TGFB2: variants seen among roughly 807,000 people sequenced by gnomAD.
TGFB2 encodes the protein transforming growth factor beta-2 proprotein.
Under a neutral mutation model 42.7 loss-of-function variants are expected in TGFB2, and 13 were observed. That is an observed-to-expected ratio of 0.30 (90% CI 0.20 to 0.48). The LOEUF is 0.48. Among genes scored for constraint, TGFB2 ranks in the 20% least tolerant of loss-of-function variants. The pLI is 0.99. For missense variants in TGFB2, 390 were observed against 517.5 expected, an observed-to-expected ratio of 0.75 and a Z score of 2.39; for synonymous variants, 193 against 193.6, an observed-to-expected ratio of 1.00 and a Z score of 0.03.
intron 2 of TGFB2, among the ~76,000 whole-genome samples, chr1:218,412,150 G>T (rs957746739): frequency 1.3e-5 from 2 of 152,124 alleles, no homozygotes; most frequent in Non-Finnish European, 2.9e-5. Context: ...TCCACCTTCT[G>T]GTTACTCAGG....
intron 1 of TGFB2, among the ~76,000 whole-genome samples, chr1:218,357,622 A>G (rs1175060087): frequency 6.6e-6 from 1 of 152,210 alleles, no homozygotes; most frequent in Non-Finnish European, 1.5e-5. Flanking sequence ...ATGTTCCCTC[A>G]ACCACAATGA....
At chr1:218,413,049 C>A (rs1659151246) in intron 2 of TGFB2, among the ~76,000 whole-genome samples, 1 of 152,068 alleles carries the variant, frequency 6.6e-6, no homozygotes, top group East Asian at 1.9e-4. Context: ...TGCAAATGTC[C>A]AAGGCAGAAG....
chr1:218,402,607 T>C (rs940334671), intron 1 of TGFB2, among the ~76,000 whole-genome samples: 1 of 152,162 alleles, frequency 6.6e-6, no homozygotes, highest in Non-Finnish European at 1.5e-5. Flanking sequence ...AGAGCACTTA[T>C]TTACAAACTT....
At chr1:218,390,392 A>G (rs745771114) in intron 1 of TGFB2, among the ~76,000 whole-genome samples, 4 of 152,086 alleles carry the variant, frequency 2.6e-5, no homozygotes, top group Non-Finnish European at 5.9e-5. Flanking sequence ...CATTCTCAAA[A>G]CGACTGTGCT....
chr1:218,365,229 A>G (rs1657348324), intron 1 of TGFB2, among the ~76,000 whole-genome samples: 1 of 151,780 alleles, frequency 6.6e-6, no homozygotes, highest in Admixed American at 6.6e-5. Context: ...GAGACCCCAA[A>G]CTTTTCCCCC....
intron 2 of TGFB2, among the ~76,000 whole-genome samples, chr1:218,421,113 G>A (rs2102612307): frequency 6.6e-6 from 1 of 152,282 alleles, no homozygotes; most frequent in Admixed American, 6.5e-5. Context: ...CAGTTAGACA[G>A]GAAGAGAGAG....
chr1:218,346,056 G>GCACACACACA lies in TGFB2; in HGVS notation c.-630_-621dup, dbSNP rs151329324. Among the ~76,000 whole-genome samples the GCACACACACA allele has an allele frequency of 0.025, 3,706 of 145,594 alleles. 53 individuals are homozygous for GCACACACACA. Among genetic ancestry groups the GCACACACACA allele is most frequent in the East Asian group, 0.046 (216 of 4,716 alleles). The stretch of plus-strand genomic sequence containing the variant: ...GGGCTCGCCCCCAGCGCGCGCACAC[G>GCACACACACA]CACACACACACACACACACACACAC... On this transcript the variant is annotated 5_prime_UTR_variant, in exon 1 of 7. Coordinates refer to ENST00000366930, the MANE Select transcript of TGFB2 (RefSeq NM_003238.6). The surrounding 1 kb of genome is among the most constrained non-coding windows in gnomAD (Gnocchi z 4.9).
intron 1 of TGFB2, among the ~76,000 whole-genome samples, chr1:218,403,846 G>A (rs904991367): frequency 6.6e-6 from 1 of 152,158 alleles, no homozygotes; most frequent in Non-Finnish European, 1.5e-5. Flanking sequence ...GGAGCCACTA[G>A]AGTTGGATGA....
intron 1 of TGFB2, among the ~76,000 whole-genome samples, chr1:218,386,506 C>T (rs1429619880): frequency 6.6e-6 from 1 of 152,204 alleles, no homozygotes; most frequent in African/African-American, 2.4e-5. Flanking sequence ...AATGGGCCAA[C>T]AAAACTAATG....
chr1:218,434,740 A>T (rs1346884978), intron 4 of TGFB2, among the ~76,000 whole-genome samples: 1 of 152,224 alleles, frequency 6.6e-6, no homozygotes, highest in Non-Finnish European at 1.5e-5. Flanking sequence ...TCATTGTAGC[A>T]AACCAACTTT....
intron 2 of TGFB2, among the ~76,000 whole-genome samples, chr1:218,418,095 T>C (rs907247738): frequency 1.3e-5 from 2 of 152,226 alleles, no homozygotes; most frequent in Non-Finnish European, 2.9e-5. Context: ...GGCCACCATC[T>C]TCCAGACCCC....
At chr1:218,421,243 T>C (rs991347430) in intron 2 of TGFB2, among the ~76,000 whole-genome samples, 2 of 152,314 alleles carry the variant, frequency 1.3e-5, no homozygotes, top group African/African-American at 4.8e-5. Flanking sequence ...TTCATTTTTA[T>C]AATGAAATAA....
At chr1:218,441,006 G>T (rs1196166247) in intron 6 of TGFB2, among the ~76,000 whole-genome samples, 198 bp from the exon 7 acceptor site, 1 of 152,200 alleles carries the variant, frequency 6.6e-6, no homozygotes, top group African/African-American at 2.4e-5. Context: ...CGAGTTCCGT[G>T]TGGGAAAATA....
chr1:218,415,751 A>AAAGGAGG (rs1659258039), intron 2 of TGFB2, among the ~76,000 whole-genome samples: 1 of 149,376 alleles, frequency 6.7e-6, no homozygotes, highest in Non-Finnish European at 1.5e-5. Flanking sequence ...TCAGAGTGGG[A>AAAGGAGG]AAGGAGGAGA....
At chr1:218,351,299 T>C (rs11579807) in intron 1 of TGFB2, among the ~76,000 whole-genome samples, 19,484 of 152,206 alleles carry the variant, frequency 0.13, 1,515 homozygotes, top group South Asian at 0.25. Context: ...TATGTGTGTG[T>C]TTGCATGTGG....
chr1:218,346,656 T>A lies in TGFB2; in HGVS notation c.-46T>A. ...TTTGAGAATTGTTGATTTCTTTTTT[T>A]TATTCTGACTTTTAAAAACAACTTT... On this transcript the variant is annotated 5_prime_UTR_variant, in exon 1 of 7. Transcript: ENST00000366930. This position sits in a 1 kb window ranked among gnomAD's most constrained non-coding sequence, Gnocchi z 4.9. The A allele has an allele frequency of 6.7e-7, 1 of 1,499,966 alleles. No homozygotes were observed. Among genetic ancestry groups the A allele is most frequent in the Non-Finnish European group, 9.1e-7 (1 of 1,104,764 alleles). The allele number at this position is 1,499,966 out of a possible 1,614,324, so 92.9% of individuals were successfully genotyped here. A position where few individuals can be genotyped will look rare whatever the true frequency, so the allele number is the denominator to read the frequency against.
intron 2 of TGFB2, among the ~76,000 whole-genome samples, chr1:218,417,606 T>C (rs1659323015): frequency 6.6e-6 from 1 of 152,210 alleles, no homozygotes; most frequent in Non-Finnish European, 1.5e-5. Context: ...CAAATGTTAA[T>C]CCCCAAGACA....
At chr1:218,410,007 C>T (rs924944576) in intron 2 of TGFB2, among the ~76,000 whole-genome samples, 1 of 152,170 alleles carries the variant, frequency 6.6e-6, no homozygotes, top group Non-Finnish European at 1.5e-5. Context: ...GGAGCTTTTA[C>T]GAAGACTAAC....
At chr1:218,367,540 A>T (rs1402346360) in intron 1 of TGFB2, among the ~76,000 whole-genome samples, 27 of 152,176 alleles carry the variant, frequency 1.8e-4, no homozygotes, top group Admixed American at 1.8e-3. Flanking sequence ...TACAGTATGG[A>T]TATTCTATAA....
Sources: allele counts gnomAD v4.1 joint callset (sites outside exome capture counted in the v4.1 genomes callset), GRCh38; gene constraint gnomAD v4.1.1; non-coding constraint Gnocchi (gnomAD v3.1); transcripts MANE v1.5; gene names NCBI Gene and HGNC (gene_info 2026-07-23, HGNC 2026-07-21).